Variants in MAST2 observed in about 807,000 individuals in gnomAD.
MAST2 encodes microtubule-associated serine/threonine-protein kinase 2.
In MAST2, 70 loss-of-function variants were observed where a neutral mutation model predicts 147.4. The observed-to-expected ratio is 0.47, with a 90% CI of 0.39 to 0.58. The LOEUF is 0.58. Ranked by LOEUF, MAST2 falls within the 20% of genes least tolerant of loss-of-function variation. MAST2 has a pLI of 0.00. For synonymous variants in MAST2, 869 were observed against 896.8 expected, an observed-to-expected ratio of 0.97 and a Z score of 0.55; for missense variants, 2,080 against 2,302.3, an observed-to-expected ratio of 0.90 and a Z score of 1.98.
intron 4 of MAST2, among the ~76,000 whole-genome samples, chr1:45,909,706 C>T (rs1360147147): frequency 4.6e-5 from 7 of 152,070 alleles, no homozygotes; most frequent in African/African-American, 9.7e-5. Flanking sequence ...TTAGTAGAGA[C>T]GGGGGTTCAC....
chr1:45,806,475 C>T (rs899203031), intron 1 of MAST2, among the ~76,000 whole-genome samples: 6 of 152,224 alleles, frequency 3.9e-5, no homozygotes, highest in Admixed American at 1.3e-4. Context: ...TCATAGCTCA[C>T]GGCAGCCTTG....
intron 8 of MAST2, chr1:46,006,618 G>A (rs1237902879): frequency 2.9e-6 from 1 of 349,064 alleles, no homozygotes; most frequent in African/African-American, 2.1e-5. Flanking sequence ...AAAAGTAGCA[G>A]GCCATAGTTA....
intron 4 of MAST2, among the ~76,000 whole-genome samples, chr1:45,887,925 G>T (rs1647166102): frequency 6.6e-6 from 1 of 152,220 alleles, no homozygotes; most frequent in Non-Finnish European, 1.5e-5. Flanking sequence ...ACGTAGCAGA[G>T]GTTGGGAGGG....
Position 46,023,452 on chromosome 1 carries a change from T to G in MAST2, c.1571+134T>G. ...GACCTTCTCACTCCCAGAAGCCTCCTGGGTGGGCAGGAGTTCAGATTCCTC... is the reference window on the plus strand; with the variant it reads ...GACCTTCTCACTCCCAGAAGCCTCCGGGGTGGGCAGGAGTTCAGATTCCTC... On this transcript the variant is annotated intron_variant, in intron 14 of 28. Coordinates refer to ENST00000361297, the MANE Select transcript of MAST2 (RefSeq NM_015112.3). The surrounding 1 kb of genome is among the most constrained non-coding windows in gnomAD (Gnocchi z 4.9). The G allele has an allele frequency of 1.3e-6, 1 of 794,046 alleles. No homozygotes were observed. The highest frequency in any genetic ancestry group is 2.5e-5 in the East Asian group (1 of 39,886). The allele number at this position is 794,046 out of a possible 1,614,324, so 49.2% of individuals were successfully genotyped here.
At chr1:45,909,258 C>G (rs561759831) in intron 4 of MAST2, among the ~76,000 whole-genome samples, 156 of 152,184 alleles carry the variant, frequency 1.0e-3, no homozygotes, top group African/African-American at 3.7e-3. Flanking sequence ...ATCTTTTTCT[C>G]ACTTTATTAT....
At chr1:45,928,123 C>T (rs1172079113) in intron 4 of MAST2, among the ~76,000 whole-genome samples, 1 of 152,234 alleles carries the variant, frequency 6.6e-6, no homozygotes, top group African/African-American at 2.4e-5. Context: ...ACTCATACTA[C>T]ATCCCCAGTA....
chr1:46,031,649 G>GAGGGTTCTGCACGTGGC lies in MAST2; in HGVS notation c.3187+68_3187+84dup. ...GGGCCTTGTAATCTCTAGGCCTTGG[G>GAGGGTTCTGCACGTGGC]AGGGTTCTGCACGTGGCAGGTGTGT... On this transcript the variant is annotated intron_variant, in intron 24 of 28. Coordinates refer to ENST00000361297, the MANE Select transcript of MAST2 (RefSeq NM_015112.3). This position sits in a 1 kb window ranked among gnomAD's most constrained non-coding sequence, Gnocchi z 4.1. 1 of 1,510,884 alleles carries GAGGGTTCTGCACGTGGC rather than the reference G, an allele frequency of 6.6e-7. No homozygotes were observed. Among genetic ancestry groups the GAGGGTTCTGCACGTGGC allele is most frequent in the Non-Finnish European group, 9.0e-7 (1 of 1,109,248 alleles). 93.6% of individuals were successfully genotyped at this position (1,510,884 alleles called of 1,614,324 possible).
intron 12 of MAST2, 81 bp from the exon 13 acceptor site, chr1:46,022,829 G>A: frequency 9.9e-7 from 1 of 1,014,290 alleles, no homozygotes; most frequent in Non-Finnish European, 1.6e-6. Flanking sequence ...TACCCTACAT[G>A]CACCTGTTGT....
At chr1:45,854,060 C>T (rs749273437) in intron 3 of MAST2, among the ~76,000 whole-genome samples, 22 of 151,928 alleles carry the variant, frequency 1.4e-4, no homozygotes, top group African/African-American at 4.8e-4. Context: ...ATATTCAGGC[C>T]GGGCACAGTG....
At chr1:45,944,528 C>T (rs1245799069) in intron 4 of MAST2, among the ~76,000 whole-genome samples, 1 of 152,124 alleles carries the variant, frequency 6.6e-6, no homozygotes, top group East Asian at 1.9e-4. Flanking sequence ...CTCACTTTTG[C>T]ATTGCTTTAT....
intron 3 of MAST2, among the ~76,000 whole-genome samples, chr1:45,860,201 TACACAC>T (rs777498021): frequency 2.2e-4 from 31 of 144,116 alleles, no homozygotes; most frequent in South Asian, 1.4e-3. Flanking sequence ...CTACTAAAAA[TACACAC>T]ACACACACAC....
At chr1:45,864,404 C>G (rs1422992077) in intron 3 of MAST2, among the ~76,000 whole-genome samples, 3 of 152,144 alleles carry the variant, frequency 2.0e-5, no homozygotes, top group Non-Finnish European at 4.4e-5. Flanking sequence ...AAGAAAGAGG[C>G]TTTCGTTACT....
intron 26 of MAST2, among the ~76,000 whole-genome samples, chr1:46,033,338 C>G (rs1436911782): frequency 6.6e-6 from 1 of 150,994 alleles, no homozygotes; most frequent in Non-Finnish European, 1.5e-5. Context: ...ACTTGGGAGG[C>G]TGAGGCAGGA....
intron 1 of MAST2, among the ~76,000 whole-genome samples, chr1:45,821,796 C>T (rs771602896): frequency 5.3e-5 from 8 of 150,936 alleles, no homozygotes; most frequent in Non-Finnish European, 8.9e-5. Flanking sequence ...GGATTACAGG[C>T]GTGAGCCATG....
chr1:45,879,982 G>A lies in MAST2; in HGVS notation c.469-2382G>A, dbSNP rs141423993. Among the ~76,000 whole-genome samples, 876 of 152,268 alleles carry A rather than the reference G, an allele frequency of 5.8e-3. 4 individuals carry two copies. Among genetic ancestry groups the A allele is most frequent in the African/African-American group, 8.5e-3 (353 of 41,562 alleles). ...ACATAACATGTATTAGCTAGGATGT[G>A]AAGCAGTTGAAACTCTCATACATTG... On this transcript the variant is annotated intron_variant, in intron 3 of 28. Transcript: ENST00000361297.
At chr1:45,878,706 C>T (rs1300873641) in intron 3 of MAST2, among the ~76,000 whole-genome samples, 2 of 151,762 alleles carry the variant, frequency 1.3e-5, no homozygotes, top group Non-Finnish European at 2.9e-5. Flanking sequence ...AACATGCAAG[C>T]AATTGGAAAA....
At chr1:46,030,265 C>A in intron 21 of MAST2, 27 bp downstream of exon 21, 1 of 1,602,142 alleles carries the variant, frequency 6.2e-7, no homozygotes, top group East Asian at 2.2e-5. Flanking sequence ...CCAGAATGGG[C>A]AGAACAGGCT....
At chr1:45,938,050 AGTTTTTTGTTTCTG>A (rs1557935061) in intron 4 of MAST2, among the ~76,000 whole-genome samples, 1 of 152,110 alleles carries the variant, frequency 6.6e-6, no homozygotes, top group Non-Finnish European at 1.5e-5. Context: ...TGCTAAATGT[AGTTTTTTGTTTCTG>A]GTTTCTTTCA....
At chr1:45,894,084 C>G (rs1037549422) in intron 4 of MAST2, among the ~76,000 whole-genome samples, 1 of 151,912 alleles carries the variant, frequency 6.6e-6, no homozygotes, top group Non-Finnish European at 1.5e-5. Flanking sequence ...GACGTGGTAG[C>G]GCACACCTGT....
Sources: allele counts gnomAD v4.1 joint callset (sites outside exome capture counted in the v4.1 genomes callset), GRCh38; gene constraint gnomAD v4.1.1; non-coding constraint Gnocchi (gnomAD v3.1); transcripts MANE v1.5; gene names NCBI Gene and HGNC (gene_info 2026-07-23, HGNC 2026-07-21).